Variants in INTS8 observed in about 807,000 individuals in gnomAD.
The protein encoded by INTS8 is integrator complex subunit 8, also known as protein kaonashi-1.
INTS8 carries 47 observed loss-of-function variants against 138.9 expected under a neutral mutation model. The observed-to-expected ratio is 0.34, with a 90% confidence interval of 0.27 to 0.43. The LOEUF (loss-of-function observed/expected upper bound fraction) is 0.43, where lower values mean the gene tolerates loss of function less well. Among genes scored for constraint, INTS8 ranks in the 20% least tolerant of loss-of-function variants. The pLI is 1.00. For synonymous variants in INTS8, 392 were observed against 400.9 expected, an observed-to-expected ratio of 0.98 and a Z score of 0.27; for missense variants, 996 against 1,173.0, an observed-to-expected ratio of 0.85 and a Z score of 2.20.
intron 10 of INTS8, among the ~76,000 whole-genome samples, chr8:94,849,126 T>C (rs1310075204): frequency 6.6e-6 from 1 of 152,150 alleles, no homozygotes; most frequent in Non-Finnish European, 1.5e-5. Context: ...TTTTAACTCT[T>C]TTCTGACAGG....
In INTS8 at chr8:94,827,814, T is replaced by C. The variant is rs1454989439; in HGVS notation, c.518+21T>C. 3.8e-6 allele frequency: 6 copies of C among 1,579,378 alleles called. No homozygotes were observed. In the African/African-American group the frequency reaches 6.8e-5, roughly 18 times the overall value. Reference sequence around the variant, plus strand: ...AGTGTGTAAGTTGGTGGCTATGACCTTTACTTGGCACTTTTTTCATTGGAG... The same window carrying C: ...AGTGTGTAAGTTGGTGGCTATGACCCTTACTTGGCACTTTTTTCATTGGAG... On this transcript the variant is annotated intron_variant, in intron 4 of 26. Coordinates refer to ENST00000523731, the MANE Select transcript of INTS8 (RefSeq NM_017864.4).
At chr8:94,861,278 T>TTTTTTTTTC (rs1381433164) in intron 16 of INTS8, among the ~76,000 whole-genome samples, 1 of 122,836 alleles carries the variant, frequency 8.1e-6, no homozygotes, top group Admixed American at 8.2e-5. Context: ...TTTTTTTTTT[T>TTTTTTTTTC]TGAGACGGAG....
intron 16 of INTS8, among the ~76,000 whole-genome samples, chr8:94,860,603 A>AAC (rs1554612620): frequency 1.7e-4 from 26 of 150,558 alleles, no homozygotes; most frequent in African/African-American, 6.3e-4. Context: ...AAAAAAAAAA[A>AAC]ACCCAAAAAA....
rs149744313 is a variant in INTS8 at position 94,876,121 on chromosome 8, G to T, written c.2736G>T (p.Ala912=). The T allele has an allele frequency of 6.2e-7, 1 of 1,611,054 alleles. No homozygotes were observed. The change falls in exon 24 of 27, where the codon GCG becomes GCT. Residue 912 remains alanine, a synonymous_variant. Coordinates refer to ENST00000523731, the MANE Select transcript of INTS8 (RefSeq NM_017864.4). Reference sequence around the variant, plus strand: ...TCAGAGAAATTGACTACAAAACAGCGTTTAAATCTCTGCAAGAACAAAACA... The same window carrying T: ...TCAGAGAAATTGACTACAAAACAGCTTTTAAATCTCTGCAAGAACAAAACA... ...QFLREIDYKT[A]FKSLQEQNSH... is the part of the protein sequence containing the mutation.
chr8:94,823,603 C>T lies in INTS8; in HGVS notation c.130+42C>T, dbSNP rs558228803. The T allele has an allele frequency of 1.7e-5, 25 of 1,442,810 alleles. No homozygotes were observed. In the Admixed American group the frequency reaches 5.2e-4, roughly 30 times the overall value. The allele number at this position is 1,442,810 out of a possible 1,614,324, so 89.4% of individuals were successfully genotyped here. A position where few individuals can be genotyped will look rare whatever the true frequency, so the allele number is the denominator to read the frequency against. On this transcript the variant is annotated intron_variant, in intron 1 of 26. Coordinates refer to ENST00000523731, the MANE Select transcript of INTS8 (RefSeq NM_017864.4). Reference sequence around the variant, plus strand: ...CACCTGGGGAGCGGGACCCGGCCACCGGCGCTGTCCGCCCAGCTTCCCTCC... The same window carrying T: ...CACCTGGGGAGCGGGACCCGGCCACTGGCGCTGTCCGCCCAGCTTCCCTCC...
chr8:94,881,718 T>G lies in INTS8; in HGVS notation c.*1484T>G, dbSNP rs1816822161. On this transcript the variant is annotated 3_prime_UTR_variant, in exon 27 of 27. Transcript: ENST00000523731. Reference sequence around the variant, plus strand: ...ACTGGTGACAACTGTCCCCCTTTTCTGAAGGTGTTTATGTAATTTACTTCC... The same window carrying G: ...ACTGGTGACAACTGTCCCCCTTTTCGGAAGGTGTTTATGTAATTTACTTCC... 1.3e-5 allele frequency: 21 copies of G among 1,613,760 alleles called. No individual in the cohort carries two copies. The highest frequency in any genetic ancestry group is 1.7e-5 in the Non-Finnish European group (20 of 1,179,822).
In INTS8 at chr8:94,838,574, C is replaced by G. The variant is rs756094745; in HGVS notation, c.973C>G (p.Pro325Ala). 17 of 1,612,206 alleles carry G rather than the reference C, an allele frequency of 1.1e-5. 1 individual carries two copies. In the African/African-American group the frequency reaches 1.2e-4, roughly 11 times the overall value. The change falls in exon 8 of 27, where the codon CCA (proline) becomes GCA (alanine). Residue 325 changes from proline (P) to alanine (A), a missense_variant. By Grantham distance (27) the Pro-to-Ala change is conservative. Coordinates refer to ENST00000523731, the MANE Select transcript of INTS8 (RefSeq NM_017864.4). ...SSDSTSQQLT[P>A]YSQVHICLRS... Reference sequence around the variant, plus strand: ...TGATAGTACATCTCAACAGTTGACTCCATATAGTCAAGTCCATATTTGTTT... The same window carrying G: ...TGATAGTACATCTCAACAGTTGACTGCATATAGTCAAGTCCATATTTGTTT...
chr8:94,832,235 A>C (rs1814747232), intron 6 of INTS8, 61 bp downstream of exon 6: 2 of 1,168,068 alleles, frequency 1.7e-6, no homozygotes, highest in African/African-American at 3.1e-5. Context: ...ATATGAGATC[A>C]TCCTCCTATT....
chr8:94,864,667 C>T (rs1816111344), intron 16 of INTS8: 1 of 152,182 alleles, frequency 6.6e-6, no homozygotes, highest in South Asian at 2.1e-4. Flanking sequence ...AAGATTATAC[C>T]ACTGCATTCC....
rs1363272902 is a variant in INTS8 at position 94,859,517 on chromosome 8, C to T, written c.1961C>T (p.Pro654Leu). The T allele has an allele frequency of 2.5e-6, 4 of 1,611,828 alleles. No homozygotes were observed. Among genetic ancestry groups the T allele is most frequent in the Non-Finnish European group, 1.7e-6 (2 of 1,178,788 alleles). ...TTTCTTCTTTGCTTTTTAGATATTC[C>T]TCTTCGTCAAGTTATAGCTGAGGAA... is the stretch of plus-strand genomic sequence containing the variant. ...GYLEMRLPDI[P>L]LRQVIAEECV... The change falls in exon 16 of 27, where the codon CCT becomes CTT. Residue 654 changes from proline (P) to leucine (L), a missense_variant. By Grantham distance (98) the Pro-to-Leu change is moderately conservative (BLOSUM62 -3). Transcript: ENST00000523731.
chr8:94,833,501 C>G (rs1473945255), intron 6 of INTS8, among the ~76,000 whole-genome samples: 1 of 151,424 alleles, frequency 6.6e-6, no homozygotes, highest in Non-Finnish European at 1.5e-5. Flanking sequence ...TTACAGGATA[C>G]TTGGTAACAT....
intron 21 of INTS8, among the ~76,000 whole-genome samples, chr8:94,872,734 A>C (rs1037352153): frequency 1.3e-5 from 2 of 152,198 alleles, no homozygotes; most frequent in Non-Finnish European, 2.9e-5. Flanking sequence ...CAATGCTTCT[A>C]TTACTCTACA....
chr8:94,855,430 A>G (rs1815708704), intron 14 of INTS8, among the ~76,000 whole-genome samples: 1 of 152,208 alleles, frequency 6.6e-6, no homozygotes, highest in African/African-American at 2.4e-5. Flanking sequence ...CATGCTCAGT[A>G]GCCACATCTT....
intron 20 of INTS8, among the ~76,000 whole-genome samples, chr8:94,871,491 T>A (rs960820465): frequency 6.6e-6 from 1 of 150,396 alleles, no homozygotes; most frequent in African/African-American, 2.4e-5. Context: ...AAAAAAAAAA[T>A]GATAATAATA....
rs770935682 is a variant in INTS8, at chr8:94,850,067, G to T, written c.1483G>T (p.Val495Leu). ...SPRVNLCIKPVTSFYDIPASA... is the reference protein window; with the variant it reads ...SPRVNLCIKPLTSFYDIPASA... Reference sequence around the variant, plus strand: ...TAGAGTAAATCTGTGCATTAAACCTGTAACTTCATTTTATGATATCCCAGG... The same window carrying T: ...TAGAGTAAATCTGTGCATTAAACCTTTAACTTCATTTTATGATATCCCAGG... The change falls in exon 12 of 27, where the codon GTA becomes TTA. Residue 495 changes from valine (V) to leucine (L), a missense_variant. Val to Leu is a conservative substitution (Grantham distance 32, BLOSUM62 1). Transcript: ENST00000523731. 2.5e-6 allele frequency: 4 copies of T among 1,601,686 alleles called. No homozygotes were observed. The highest frequency in any genetic ancestry group is 3.4e-6 in the Non-Finnish European group (4 of 1,174,518).
intron 6 of INTS8, among the ~76,000 whole-genome samples, chr8:94,833,762 C>T (rs192009894): frequency 1.3e-5 from 2 of 152,212 alleles, no homozygotes. Context: ...ACACTCATTT[C>T]CTGGCATGAC....
chr8:94,846,152 A>G (rs1815325607), intron 10 of INTS8, among the ~76,000 whole-genome samples: 1 of 152,190 alleles, frequency 6.6e-6, no homozygotes, highest in African/African-American at 2.4e-5. Flanking sequence ...ATAATTTTGT[A>G]TCCAACAACT....
At chr8:94,855,335 C>A (rs1815705196) in intron 14 of INTS8, among the ~76,000 whole-genome samples, 1 of 152,082 alleles carries the variant, frequency 6.6e-6, no homozygotes, top group Non-Finnish European at 1.5e-5. Context: ...GTTTTGCATT[C>A]TTTTGAAAAT....
rs1279834336 is a variant in INTS8 at position 94,823,427 on chromosome 8, G to T, written c.-5G>T. 3 of 1,524,580 alleles carry T rather than the reference G, an allele frequency of 2.0e-6. No individual in the cohort carries two copies. In the South Asian group the frequency reaches 3.7e-5, roughly 19 times the overall value. The allele number at this position is 1,524,580 out of a possible 1,614,324, so 94.4% of individuals were successfully genotyped here. Reference sequence around the variant, plus strand: ...GGCCCTGGTGGTAGCGGCGGCGGGGGCAGGATGAGCGCGGAGGCGGCGGAC... The same window carrying T: ...GGCCCTGGTGGTAGCGGCGGCGGGGTCAGGATGAGCGCGGAGGCGGCGGAC... On this transcript the variant is annotated 5_prime_UTR_variant, in exon 1 of 27. Transcript: ENST00000523731.
Sources: allele counts gnomAD v4.1 joint callset (sites outside exome capture counted in the v4.1 genomes callset), GRCh38; gene constraint gnomAD v4.1.1; transcripts MANE v1.5; gene names NCBI Gene and HGNC (gene_info 2026-07-23, HGNC 2026-07-21).